The following RORB variants were observed in gnomAD, a reference collection of about 807,000 sequenced individuals.
The protein encoded by RORB is RAR related orphan receptor B.
Under a neutral mutation model 59.1 loss-of-function variants are expected in RORB, and 6 were observed. That is an observed-to-expected ratio of 0.10 (90% CI 0.06 to 0.20). The LOEUF is 0.20. RORB is among the 10% of genes least tolerant of loss of function. RORB has a pLI of 1.00. For missense variants in RORB, 320 were observed against 560.5 expected (o/e 0.57, Z 4.33); for synonymous variants, 215 against 204.5 (o/e 1.05, Z -0.44).
At chr9:74,508,515 C>T (rs1213334192) in intron 1 of RORB, among the ~76,000 whole-genome samples, 1 of 151,936 alleles carries the variant, frequency 6.6e-6, no homozygotes, top group Non-Finnish European at 1.5e-5. Context: ...AAAAGCCATA[C>T]TTTTTGAAAC....
At chr9:74,661,213 T>C (rs890723976) in intron 5 of RORB, among the ~76,000 whole-genome samples, 1 of 152,182 alleles carries the variant, frequency 6.6e-6, no homozygotes, top group Admixed American at 6.5e-5. Flanking sequence ...GGACAACTCA[T>C]CCCATATTTT....
rs111902556 is a variant in RORB, at chr9:74,526,159, G to A, written c.7+28176G>A. On this transcript the variant is annotated intron_variant, in intron 1 of 9. Transcript: ENST00000376896. ...CACAAGAGAATTTATTTGAAATGCA[G>A]ATTACTGAATCAAAATCTGTAACAG... Among the ~76,000 whole-genome samples, 341 of 151,992 alleles carry A rather than the reference G, an allele frequency of 2.2e-3. 3 individuals carry two copies. The highest frequency in any genetic ancestry group is 7.7e-3 in the African/African-American group (321 of 41,484).
At chr9:74,601,932 A>C (rs555506894) in intron 1 of RORB, among the ~76,000 whole-genome samples, 2 of 152,312 alleles carry the variant, frequency 1.3e-5, no homozygotes, top group East Asian at 3.9e-4. Context: ...CTACAGTGAC[A>C]AGGAAACACC....
chr9:74,507,596 A>G (rs949341332), intron 1 of RORB, among the ~76,000 whole-genome samples: 15 of 152,102 alleles, frequency 9.9e-5, no homozygotes, highest in Non-Finnish European at 1.8e-4. Context: ...AGCTTGAACC[A>G]GAATAAACAC....
intron 1 of RORB, among the ~76,000 whole-genome samples, chr9:74,618,041 T>C (rs1199128756): frequency 6.6e-6 from 1 of 152,194 alleles, no homozygotes; most frequent in Non-Finnish European, 1.5e-5. Context: ...TAATTTTCAG[T>C]GCAGAAATTG....
chr9:74,646,014 C>T (rs1431551702), intron 4 of RORB, among the ~76,000 whole-genome samples: 1 of 151,958 alleles, frequency 6.6e-6, no homozygotes, highest in African/African-American at 2.4e-5. Context: ...GATTAATGGG[C>T]ATCTAAACCA....
intron 1 of RORB, among the ~76,000 whole-genome samples, chr9:74,517,652 G>A (rs1826027827): frequency 6.6e-6 from 1 of 151,778 alleles, no homozygotes; most frequent in African/African-American, 2.4e-5. Context: ...ACTCTATTGG[G>A]CATTACCCGA....
intron 1 of RORB, among the ~76,000 whole-genome samples, chr9:74,560,506 T>G (rs1421165086): frequency 6.6e-6 from 1 of 150,906 alleles, no homozygotes; most frequent in Admixed American, 6.7e-5. Flanking sequence ...GCAGGGTTGC[T>G]TTTTCATAGA....
intron 4 of RORB, among the ~76,000 whole-genome samples, chr9:74,648,878 A>T (rs1823945039): frequency 6.6e-6 from 1 of 152,156 alleles, no homozygotes; most frequent in Admixed American, 6.5e-5. Flanking sequence ...TTTAGGGCAA[A>T]CGCACCTGTC....
rs1707176130 is a variant in RORB, at chr9:74,574,189, G to A, written c.8-56093G>A. 2.0e-5 allele frequency among the ~76,000 whole-genome samples: 3 copies of A among 152,206 alleles called. No homozygotes were observed. The South Asian group carries it at 6.2e-4, about 32-fold the overall frequency. On this transcript the variant is annotated intron_variant, in intron 1 of 9. Coordinates refer to ENST00000376896, the MANE Select transcript of RORB (RefSeq NM_006914.4). ...CTTCCCCTGAAAAGGAGCAGGAACA[G>A]CTTTGACTCACACATACAACTCCCA...
chr9:74,568,435 C>T (rs140590513), intron 1 of RORB, among the ~76,000 whole-genome samples: 7,042 of 152,020 alleles, frequency 0.046, 230 homozygotes, highest in Non-Finnish European at 0.071. Flanking sequence ...GGCACGGTGG[C>T]TCACGCCTGT....
At chr9:74,521,936 G>C (rs1489578541) in intron 1 of RORB, among the ~76,000 whole-genome samples, 2 of 151,696 alleles carry the variant, frequency 1.3e-5, no homozygotes, top group Non-Finnish European at 3.0e-5. Context: ...TTATAAATAT[G>C]CTCCTTGTGT....
At chr9:74,523,604 C>T (rs1193590757) in intron 1 of RORB, among the ~76,000 whole-genome samples, 1 of 151,884 alleles carries the variant, frequency 6.6e-6, no homozygotes, top group African/African-American at 2.4e-5. Context: ...GGACTCAAGC[C>T]AGAGCTTTCA....
chr9:74,653,375 C>A (rs1167114883), intron 4 of RORB, among the ~76,000 whole-genome samples: 1 of 151,864 alleles, frequency 6.6e-6, no homozygotes, highest in East Asian at 1.9e-4. Flanking sequence ...TACTCTAGAT[C>A]CTTAAGGCAA....
rs562648750 is a variant in RORB, at chr9:74,676,341, AT to A, written c.1224+4442del. ...GAGGTGTGTTCTTGCCCAAAGCTGT[AT>A]TGAGAAGTTTGAAAATAGCTAACTC... On this transcript the variant is annotated intron_variant, in intron 9 of 9. Transcript: ENST00000376896. Among the ~76,000 whole-genome samples, 4 of 152,352 alleles carry A rather than the reference AT, an allele frequency of 2.6e-5. No individual in the cohort carries two copies. The South Asian group carries it at 8.3e-4, about 32-fold the overall frequency.
At position 74,505,857 on chromosome 9, in the gene RORB, T is replaced by C. The variant is rs779194554; in HGVS notation, c.7+7874T>C. Among the ~76,000 whole-genome samples, 66 of 152,056 alleles carry C rather than the reference T, an allele frequency of 4.3e-4. 1 individual carries two copies. Among genetic ancestry groups the C allele is most frequent in the Non-Finnish European group, 8.8e-4 (60 of 67,944 alleles). The stretch of plus-strand genomic sequence containing the variant: ...GCTCTCAAAACTTTTAGTAGTAAAA[T>C]TGTTCTCAAGTGACAATTGAAAACA... On this transcript the variant is annotated intron_variant, in intron 1 of 9. Coordinates refer to ENST00000376896, the MANE Select transcript of RORB (RefSeq NM_006914.4).
intron 1 of RORB, among the ~76,000 whole-genome samples, chr9:74,549,651 G>A (rs1370743547): frequency 6.6e-6 from 1 of 151,352 alleles, no homozygotes; most frequent in Non-Finnish European, 1.5e-5. Flanking sequence ...GAAAGAAAGA[G>A]AGAAGAGACT....
At position 74,519,232 on chromosome 9, in the gene RORB, T is replaced by A. The variant is rs1161756350; in HGVS notation, c.7+21249T>A. On this transcript the variant is annotated intron_variant, in intron 1 of 9. Transcript: ENST00000376896. ...AGGTTGTGCTGATTTCAGATAAATA[T>A]CCTACCTACTGCACAATTTTGCTGA... is the stretch of plus-strand genomic sequence containing the variant. Among the ~76,000 whole-genome samples, 3 of 152,042 alleles carry A rather than the reference T, an allele frequency of 2.0e-5. No individual in the cohort carries two copies. In the East Asian group the frequency reaches 5.8e-4, roughly 29 times the overall value.
chr9:74,644,381 C>G (rs189905866), intron 4 of RORB, among the ~76,000 whole-genome samples: 64 of 152,280 alleles, frequency 4.2e-4, no homozygotes, highest in Non-Finnish European at 8.2e-4. Context: ...ATCATGGGCC[C>G]TTCACACGTT....
Sources: allele counts gnomAD v4.1 joint callset (sites outside exome capture counted in the v4.1 genomes callset), GRCh38; gene constraint gnomAD v4.1.1; transcripts MANE v1.5; gene names NCBI Gene and HGNC (gene_info 2026-07-23, HGNC 2026-07-21).